The following RFX3 variants were observed in gnomAD, a reference collection of about 807,000 sequenced individuals.
The protein encoded by RFX3 is regulatory factor X3.
A neutral mutation model predicts 98.6 loss-of-function variants in RFX3; 14 were observed. The observed-to-expected ratio is 0.14, with a 90% confidence interval of 0.09 to 0.22. The LOEUF (loss-of-function observed/expected upper bound fraction) is 0.22, where lower values mean the gene tolerates loss of function less well. RFX3 is among the 10% of genes least tolerant of loss of function. RFX3 has a pLI of 1.00. For synonymous variants in RFX3, 383 were observed against 328.4 expected (o/e 1.17, Z -1.80); for missense variants, 639 against 926.9 (o/e 0.69, Z 4.03).
At chr9:3,472,919 C>G (rs942130702) in intron 1 of RFX3, among the ~76,000 whole-genome samples, 1 of 152,110 alleles carries the variant, frequency 6.6e-6, no homozygotes, top group African/African-American at 2.4e-5. Context: ...ACTGCAGTAA[C>G]GAGATGATCC....
At chr9:3,458,440 A>T (rs1454713797) in intron 1 of RFX3, among the ~76,000 whole-genome samples, 2 of 152,208 alleles carry the variant, frequency 1.3e-5, no homozygotes, top group African/African-American at 4.8e-5. Flanking sequence ...AAATAAATCT[A>T]CATGTCTTAC....
At chr9:3,250,605 T>C (rs1821255796) in intron 14 of RFX3, among the ~76,000 whole-genome samples, 1 of 151,998 alleles carries the variant, frequency 6.6e-6, no homozygotes, top group South Asian at 2.1e-4. Context: ...TTCTAGAAAT[T>C]TACACAATTG....
chr9:3,280,966 T>C (rs917440226), intron 7 of RFX3, among the ~76,000 whole-genome samples: 2 of 151,818 alleles, frequency 1.3e-5, no homozygotes, highest in Non-Finnish European at 3.0e-5. Flanking sequence ...ATATTTGGAA[T>C]GTACAATAAA....
At chr9:3,444,445 G>T (rs1284728838) in intron 1 of RFX3, among the ~76,000 whole-genome samples, 1 of 151,608 alleles carries the variant, frequency 6.6e-6, no homozygotes, top group East Asian at 1.9e-4. Flanking sequence ...AGAGGCAAGA[G>T]AAAGAGAATA....
intron 7 of RFX3, among the ~76,000 whole-genome samples, chr9:3,278,741 T>A (rs1358339805): frequency 1.3e-5 from 2 of 151,868 alleles, no homozygotes; most frequent in Non-Finnish European, 2.9e-5. Context: ...TCCAAATAAT[T>A]GCCAAATCTC....
chr9:3,490,723 C>T (rs1490966613), intron 1 of RFX3, among the ~76,000 whole-genome samples: 9 of 152,072 alleles, frequency 5.9e-5, no homozygotes, highest in Non-Finnish European at 1.3e-4. Flanking sequence ...TTCTGAAAAT[C>T]ACCCTGCTAA....
At chr9:3,352,746 T>C (rs371532160) in intron 2 of RFX3, among the ~76,000 whole-genome samples, 26 of 152,200 alleles carry the variant, frequency 1.7e-4, no homozygotes, top group African/African-American at 6.0e-4. Flanking sequence ...CTTAAGAGAA[T>C]GGACACAAAC....
intron 3 of RFX3, among the ~76,000 whole-genome samples, chr9:3,338,827 C>T (rs1225221840): frequency 2.0e-5 from 3 of 152,140 alleles, no homozygotes; most frequent in Non-Finnish European, 2.9e-5. Flanking sequence ...CGGTGGCTCA[C>T]GCCTGTAATC....
At chr9:3,525,415 GC>G (rs1367564267) in intron 1 of RFX3, among the ~76,000 whole-genome samples, 1 of 152,180 alleles carries the variant, frequency 6.6e-6, no homozygotes, top group Non-Finnish European at 1.5e-5. Flanking sequence ...TCCAGCATCC[GC>G]ATCGGAAAAC....
Position 3,218,537 on chromosome 9 carries a change from A to G in RFX3, c.*6505T>C, listed in dbSNP as rs1391350569. The G allele has an allele frequency of 1.3e-5, 2 of 152,182 alleles. No homozygotes were observed. Among genetic ancestry groups the G allele is most frequent in the Non-Finnish European group, 1.5e-5 (1 of 68,022 alleles). 9.4% of individuals were successfully genotyped at this position (152,182 alleles called of 1,614,324 possible). A position where few individuals can be genotyped will look rare whatever the true frequency, so the allele number is the denominator to read the frequency against. On this transcript the variant is annotated 3_prime_UTR_variant, in exon 17 of 17. Coordinates refer to ENST00000617270, the MANE Select transcript of RFX3 (RefSeq NM_001282116.2). ...CAATACAAATCGCCCACAAACTATTATTTAGCTCCTGCCAATTTTGAGAGG... is the reference window on the plus strand; with the variant it reads ...CAATACAAATCGCCCACAAACTATTGTTTAGCTCCTGCCAATTTTGAGAGG...
chr9:3,431,750 G>A lies in RFX3; in HGVS notation c.-8-36154C>T, dbSNP rs141591153. On this transcript the variant is annotated intron_variant, in intron 1 of 16. Transcript: ENST00000617270. ...TTAGAAAGAGGCTTGACTTAAAAAT[G>A]TCAAGACAAGAGAAGCAGTTTCTGC... Among the ~76,000 whole-genome samples the A allele has an allele frequency of 1.8e-3, 275 of 152,276 alleles. 2 individuals carry two copies. The highest frequency in any genetic ancestry group is 6.6e-3 in the African/African-American group (273 of 41,570).
chr9:3,231,685 G>C (rs960062776), intron 15 of RFX3, among the ~76,000 whole-genome samples: 2 of 152,050 alleles, frequency 1.3e-5, no homozygotes, highest in South Asian at 2.1e-4. Flanking sequence ...GGTATGAACA[G>C]TGGCAGGGAA....
At chr9:3,317,557 G>C (rs570709214) in intron 4 of RFX3, among the ~76,000 whole-genome samples, 6 of 152,274 alleles carry the variant, frequency 3.9e-5, no homozygotes, top group African/African-American at 1.4e-4. Flanking sequence ...CACAGCAAAA[G>C]AAACTACCAT....
chr9:3,472,479 T>C (rs1848862581), intron 1 of RFX3, among the ~76,000 whole-genome samples: 1 of 152,178 alleles, frequency 6.6e-6, no homozygotes, highest in Admixed American at 6.5e-5. Flanking sequence ...ATAATTATTT[T>C]CAGTATAATT....
chr9:3,524,981 G>A (rs369804116), intron 1 of RFX3, among the ~76,000 whole-genome samples: 1 of 151,554 alleles, frequency 6.6e-6, no homozygotes, highest in Non-Finnish European at 1.5e-5. Context: ...TGTGTGCAAG[G>A]GGTGTGTGGG....
In RFX3 at chr9:3,219,643, G is replaced by A. The variant is rs2130467695; in HGVS notation, c.*5399C>T. 6.6e-6 allele frequency: 1 copy of A among 152,182 alleles called. No individual in the cohort carries two copies. Among genetic ancestry groups the A allele is most frequent in the East Asian group, 1.9e-4 (1 of 5,180 alleles). The allele number at this position is 152,182 out of a possible 1,614,324, so 9.4% of individuals were successfully genotyped here. ...AGTAAAATTGGTAAACTAAACTCAG[G>A]TCTACTGGCACATAAAATCACTAGC... On this transcript the variant is annotated 3_prime_UTR_variant, in exon 17 of 17. Coordinates refer to ENST00000617270, the MANE Select transcript of RFX3 (RefSeq NM_001282116.2).
chr9:3,381,128 C>T (rs1348369), intron 2 of RFX3, among the ~76,000 whole-genome samples: 42,510 of 151,644 alleles, frequency 0.28, 7,477 homozygotes, highest in African/African-American at 0.5. Flanking sequence ...ATTATAACTG[C>T]CTACCAAATC....
chr9:3,373,922 C>A (rs1838138463), intron 2 of RFX3, among the ~76,000 whole-genome samples: 1 of 152,064 alleles, frequency 6.6e-6, no homozygotes. Flanking sequence ...AATAAAAATA[C>A]AAAAACTTAG....
intron 2 of RFX3, among the ~76,000 whole-genome samples, chr9:3,377,616 C>T (rs534754518): frequency 3.9e-5 from 6 of 152,024 alleles, no homozygotes; most frequent in Non-Finnish European, 7.4e-5. Context: ...TGTTGTATGA[C>T]ATCATTTATT....
Sources: allele counts gnomAD v4.1 joint callset (sites outside exome capture counted in the v4.1 genomes callset), GRCh38; gene constraint gnomAD v4.1.1; transcripts MANE v1.5; gene names NCBI Gene and HGNC (gene_info 2026-07-23, HGNC 2026-07-21).